PTPRM: variants seen among roughly 807,000 people sequenced by gnomAD.
PTPRM encodes the protein protein tyrosine phosphatase receptor type M, also known as receptor-type tyrosine-protein phosphatase mu.
PTPRM carries 47 observed loss-of-function variants against 186.7 expected under a neutral mutation model. That is an observed-to-expected ratio of 0.25 (90% confidence interval 0.20 to 0.32). The LOEUF (loss-of-function observed/expected upper bound fraction) is 0.32. PTPRM is among the 10% of genes least tolerant of loss of function. PTPRM has a pLI of 1.00. For missense variants in PTPRM, 1,494 were observed against 1,865.0 expected (o/e 0.80, Z 3.66); for synonymous variants, 668 against 674.9 (o/e 0.99, Z 0.16).
chr18:7,736,603 A>G (rs1227171909), intron 1 of PTPRM, among the ~76,000 whole-genome samples: 1 of 150,700 alleles, frequency 6.6e-6, no homozygotes, highest in East Asian at 2.0e-4. Context: ...AGGGCTCACA[A>G]CACTAAAGAT....
intron 1 of PTPRM, among the ~76,000 whole-genome samples, chr18:7,739,011 T>C (rs575248911): frequency 9.8e-5 from 15 of 152,292 alleles, no homozygotes; most frequent in African/African-American, 3.6e-4. Context: ...AGCTTCTTCT[T>C]GGTCTAGCCA....
rs1356153873 is a variant in PTPRM at position 8,272,433 on chromosome 18, TTTTTCCTCTAAGTATTGA to T, written c.2754+19034_2754+19051del. Among the ~76,000 whole-genome samples the T allele has an allele frequency of 1.4e-4, 22 of 152,180 alleles. No individual in the cohort carries two copies. In the South Asian group the frequency reaches 1.9e-3, roughly 13 times the overall value. On this transcript the variant is annotated intron_variant, in intron 19 of 32. Transcript: ENST00000580170. ...ATAAACATTGATTTGAGAGTATTGA[TTTTTCCTCTAAGTATTGA>T]TTTTCCTCTAAGTAACACTTGCCCT...
chr18:7,947,816 T>G (rs1018357485), intron 5 of PTPRM, among the ~76,000 whole-genome samples: 1 of 152,132 alleles, frequency 6.6e-6, no homozygotes, highest in African/African-American at 2.4e-5. Flanking sequence ...GCTAGCCAGC[T>G]CATCTTTCCT....
In PTPRM at chr18:8,144,269, C is replaced by G. The variant is rs78494396; in HGVS notation, c.2300+490C>G. Among the ~76,000 whole-genome samples, 67 of 152,238 alleles carry G rather than the reference C, an allele frequency of 4.4e-4. No individual in the cohort carries two copies. The East Asian group carries it at 0.011, about 26-fold the overall frequency. On this transcript the variant is annotated intron_variant, in intron 14 of 32. Transcript: ENST00000580170. ...TGAGAAAGAGAACCCGCAAAAACAG[C>G]CCGACAGAAAAATGCAGCGCGGGAG...
At chr18:7,819,521 A>G (rs564522516) in intron 2 of PTPRM, among the ~76,000 whole-genome samples, 6 of 152,250 alleles carry the variant, frequency 3.9e-5, no homozygotes, top group Non-Finnish European at 8.8e-5. Flanking sequence ...CTAGGGGAAA[A>G]GCATCTCCCT....
chr18:7,719,142 A>G (rs1406172582), intron 1 of PTPRM, among the ~76,000 whole-genome samples: 2 of 152,226 alleles, frequency 1.3e-5, no homozygotes, highest in African/African-American at 2.4e-5. Context: ...TACAGAACCA[A>G]TATAAATGCC....
chr18:7,595,505 G>A (rs536340948), intron 1 of PTPRM, among the ~76,000 whole-genome samples: 1 of 152,256 alleles, frequency 6.6e-6, no homozygotes, highest in East Asian at 1.9e-4. Context: ...CTTTTAGGGG[G>A]ACAATAATGA....
intron 2 of PTPRM, among the ~76,000 whole-genome samples, chr18:7,834,019 G>C (rs1364405367): frequency 6.6e-6 from 1 of 152,004 alleles, no homozygotes; most frequent in Admixed American, 6.6e-5. Flanking sequence ...GGGGAAAGAG[G>C]GAGTTCTTGT....
chr18:8,277,184 A>G (rs2094846548), intron 19 of PTPRM, among the ~76,000 whole-genome samples: 1 of 152,088 alleles, frequency 6.6e-6, no homozygotes, highest in African/African-American at 2.4e-5. Flanking sequence ...TGAGCCACCC[A>G]TCTTGGCCTC....
chr18:7,761,839 G>T (rs376570731), intron 1 of PTPRM, among the ~76,000 whole-genome samples: 1 of 152,246 alleles, frequency 6.6e-6, no homozygotes. Context: ...GAGATGCCAT[G>T]AGTCAGATAA....
At chr18:7,968,402 T>C (rs1195074048) in intron 7 of PTPRM, among the ~76,000 whole-genome samples, 27 of 143,750 alleles carry the variant, frequency 1.9e-4, no homozygotes, top group African/African-American at 1.1e-4. Flanking sequence ...CATCAACTAA[T>C]GAGCAAAATC....
intron 29 of PTPRM, among the ~76,000 whole-genome samples, chr18:8,382,140 G>C (rs1201506270): frequency 6.6e-6 from 1 of 152,124 alleles, no homozygotes; most frequent in African/African-American, 2.4e-5. Context: ...GAATGTAAAG[G>C]CTTTGCAATT....
intron 1 of PTPRM, among the ~76,000 whole-genome samples, chr18:7,744,483 T>C (rs1456405140): frequency 6.6e-6 from 1 of 152,208 alleles, no homozygotes; most frequent in East Asian, 1.9e-4. Context: ...GCACTCTCAG[T>C]GCATTTTATG....
At chr18:7,619,595 A>G (rs931151221) in intron 1 of PTPRM, among the ~76,000 whole-genome samples, 1 of 152,172 alleles carries the variant, frequency 6.6e-6, no homozygotes, top group Non-Finnish European at 1.5e-5. Flanking sequence ...CTTGTTGAAG[A>G]CACAGGGGAG....
At chr18:8,270,519 T>A (rs1460976589) in intron 19 of PTPRM, 1 of 152,016 alleles carries the variant, frequency 6.6e-6, no homozygotes, top group Non-Finnish European at 1.5e-5. Context: ...CACAAAAGGT[T>A]AAAAATAGAA....
chr18:7,774,162 T>C lies in PTPRM; in HGVS notation c.87T>C (p.Phe29=), dbSNP rs373506007. 1.2e-6 allele frequency: 2 copies of C among 1,610,482 alleles called. No individual in the cohort carries two copies. Among genetic ancestry groups the C allele is most frequent in the African/African-American group, 2.7e-5 (2 of 74,832 alleles). The change falls in exon 2 of 33, where the codon TTT becomes TTC. Residue 29 remains phenylalanine (F), a synonymous_variant. Transcript: ENST00000580170. Reference sequence around the variant, plus strand: ...TTTACATTTTAGGTGGCTGCCTCTTTGATGAGCCGTATAGCACATGTGGAT... The same window carrying C: ...TTTACATTTTAGGTGGCTGCCTCTTCGATGAGCCGTATAGCACATGTGGAT... ...AGETFSGGCL[F]DEPYSTCGYS...
chr18:7,703,658 C>G (rs1010372270), intron 1 of PTPRM, among the ~76,000 whole-genome samples: 7 of 152,128 alleles, frequency 4.6e-5, no homozygotes, highest in African/African-American at 1.4e-4. Flanking sequence ...TTTGAATACC[C>G]TTTATTTCTT....
rs200364748 is a variant in PTPRM, at chr18:8,253,304, G to A, written c.2644G>A (p.Val882Met). 60 of 1,597,956 alleles carry A rather than the reference G, an allele frequency of 3.8e-5. No homozygotes were observed. Among genetic ancestry groups the A allele is most frequent in the East Asian group, 3.7e-4 (16 of 43,352 alleles). Reference sequence around the variant, plus strand: ...TTACAAGAAGCGAGAGCCGGCCGACGTGCCCTATCAGACTGGGCAGCTCCA... The same window carrying A: ...TTACAAGAAGCGAGAGCCGGCCGACATGCCCTATCAGACTGGGCAGCTCCA... ...HTYKKREPAD[V>M]PYQTGQLHPA... Residue 882 changes from valine (V) to methionine (M), a missense_variant, in exon 19 of 33, where the codon GTG (valine) becomes ATG (methionine). Physicochemically the swap from Val to Met is conservative, Grantham distance 21 (BLOSUM62 1). This residue lies in a region of PTPRM where 1,107 missense variants were observed against 1,350.2 expected (regional missense o/e 0.82). Transcript: ENST00000580170.
At chr18:8,077,929 A>T (rs117579670) in intron 9 of PTPRM, among the ~76,000 whole-genome samples, 484 of 152,320 alleles carry the variant, frequency 3.2e-3, no homozygotes, top group Non-Finnish European at 5.4e-3. Flanking sequence ...ATTCAAAGGA[A>T]AAACCCATTA....
Sources: gnomAD v4.1 joint callset for allele counts (sites outside exome capture counted in the v4.1 genomes callset) on GRCh38, gnomAD v4.1.1 for gene constraint, gnomAD v4.1.1 regional missense constraint, MANE v1.5 for transcripts, NCBI Gene and HGNC (gene_info 2026-07-23, HGNC 2026-07-21) for gene names.